Variants in D2HGDH observed in about 807,000 individuals in gnomAD.
The protein encoded by D2HGDH is D-2-hydroxyglutarate dehydrogenase.
A neutral mutation model predicts 46.9 loss-of-function variants in D2HGDH; 31 were observed. That is an observed-to-expected ratio of 0.66 (90% CI 0.50 to 0.89). The LOEUF is 0.89. D2HGDH is among the 40% of genes least tolerant of loss of function. D2HGDH has a pLI of 0.00. For missense variants in D2HGDH, 698 were observed against 720.8 expected (o/e 0.97, Z 0.36); for synonymous variants, 364 against 332.6 (o/e 1.09, Z -1.03).
At chr2:241,750,394 C>CGGGGGGGGGGGGGGGGGGGGGGG in intron 7 of D2HGDH, 100 bp downstream of exon 7, 1 of 263,590 alleles carries the variant, frequency 3.8e-6, no homozygotes, top group Non-Finnish European at 6.1e-6. Context: ...GGGGGGTGCC[C>CGGGGGGGGGGGGGGGGGGGGGGG]GGGCGGGCGG....
At chr2:241,751,183 G>T in intron 7 of D2HGDH, 63 bp from the exon 8 acceptor site, 1 of 1,610,902 alleles carries the variant, frequency 6.2e-7, no homozygotes, top group Non-Finnish European at 8.5e-7. Context: ...TGCCCGAGCA[G>T]CCCTGATTCT....
chr2:241,749,202 C>A lies in D2HGDH; in HGVS notation c.854-949C>A, dbSNP rs907208070. The A allele has an allele frequency of 2.3e-5, 21 of 903,898 alleles. No homozygotes were observed. In the Middle Eastern group the frequency reaches 8.3e-4, roughly 36 times the overall value. The allele number at this position is 903,898 out of a possible 1,614,324, so 56.0% of individuals were successfully genotyped here. On this transcript the variant is annotated intron_variant, in intron 6 of 9. Coordinates refer to ENST00000321264, the MANE Select transcript of D2HGDH (RefSeq NM_152783.5). ...CCGCCAGACCCTCCAACACCACCAC[C>A]ACCTCCCACACCCCAGCCCTCTACG... is the stretch of plus-strand genomic sequence containing the variant.
intron 7 of D2HGDH, 107 bp downstream of exon 7, chr2:241,750,401 G>C: frequency 1.8e-6 from 2 of 1,116,754 alleles, no homozygotes; most frequent in Non-Finnish European, 2.5e-6. Flanking sequence ...GCCCGGGCGG[G>C]CGGGTGGGGG....
intron 3 of D2HGDH, among the ~76,000 whole-genome samples, chr2:241,741,424 G>A (rs943361925): frequency 1.3e-5 from 2 of 152,202 alleles, no homozygotes; most frequent in Non-Finnish European, 2.9e-5. Context: ...CAGGTGCTTT[G>A]GGGCAACGTG....
Position 241,748,642 on chromosome 2 carries a change from G to A in D2HGDH, c.854-1509G>A, listed in dbSNP as rs371658787. Among the ~76,000 whole-genome samples, 11 of 152,310 alleles carry A rather than the reference G, an allele frequency of 7.2e-5. No individual in the cohort carries two copies. In the East Asian group the frequency reaches 2.1e-3, roughly 29 times the overall value. ...GTTCTCATTGCCCCTCTCGCCCATT[G>A]CCTCCGGCACAAGCCTGGCCTGTGA... On this transcript the variant is annotated intron_variant, in intron 6 of 9. Coordinates refer to ENST00000321264, the MANE Select transcript of D2HGDH (RefSeq NM_152783.5).
At chr2:241,738,822 TC>T (rs1246870333) in intron 2 of D2HGDH, among the ~76,000 whole-genome samples, 1 of 152,346 alleles carries the variant, frequency 6.6e-6, no homozygotes, top group East Asian at 1.9e-4. Flanking sequence ...CATGTTTGAG[TC>T]CACAGGTTTG....
intron 9 of D2HGDH, among the ~76,000 whole-genome samples, chr2:241,763,948 G>A (rs6754066): frequency 0.13 from 19,630 of 152,236 alleles, 1,356 homozygotes; most frequent in South Asian, 0.2. Flanking sequence ...TACTCAGGAG[G>A]CAGAGGTGGG....
Position 241,738,540 on chromosome 2 carries a change from C to T in D2HGDH, c.293-2493C>T, listed in dbSNP as rs187337380. Among the ~76,000 whole-genome samples, 11 of 152,262 alleles carry T rather than the reference C, an allele frequency of 7.2e-5. No homozygotes were observed. The East Asian group carries it at 9.7e-4, about 13-fold the overall frequency. The stretch of plus-strand genomic sequence containing the variant: ...TGCCCTCATGGGCAAGGGACCTCCC[C>T]GGGGCATGCAGGAGCGGGGAGGAAG... On this transcript the variant is annotated intron_variant, in intron 2 of 9. Coordinates refer to ENST00000321264, the MANE Select transcript of D2HGDH (RefSeq NM_152783.5).
intron 2 of D2HGDH, 79 bp from the exon 3 acceptor site, chr2:241,740,951 ACTC>A: frequency 8.8e-7 from 1 of 1,140,882 alleles, no homozygotes; most frequent in South Asian, 1.3e-5. Context: ...AAAAAAAAAA[ACTC>A]GCTCTCTGGG....
At position 241,755,363 on chromosome 2, in the gene D2HGDH, G is replaced by A. The variant is rs564565667; in HGVS notation, c.1141-486G>A. On this transcript the variant is annotated intron_variant, in intron 8 of 9. Transcript: ENST00000321264. ...GTCCCCACTGCCTGTGTGACTCTGC[G>A]CCCCCTTCCCTACCCTGCCCCACCC... 1.2e-3 allele frequency: 1,531 copies of A among 1,303,580 alleles called. 2 individuals carry two copies. Among genetic ancestry groups the A allele is most frequent in the Non-Finnish European group, 1.5e-3 (1,462 of 988,840 alleles). 80.8% of individuals were successfully genotyped at this position (1,303,580 alleles called of 1,614,324 possible). A position where few individuals can be genotyped will look rare whatever the true frequency, so the allele number is the denominator to read the frequency against.
intron 2 of D2HGDH, among the ~76,000 whole-genome samples, chr2:241,738,803 A>G (rs1693638547): frequency 6.6e-6 from 1 of 152,174 alleles, no homozygotes; most frequent in African/African-American, 2.4e-5. Context: ...GGCGAGGCTG[A>G]ATTTCACTCA....
At chr2:241,747,213 C>G (rs918079515) in intron 6 of D2HGDH, among the ~76,000 whole-genome samples, 2 of 152,084 alleles carry the variant, frequency 1.3e-5, no homozygotes, top group Non-Finnish European at 2.9e-5. Context: ...GAGCCTGAGC[C>G]GCTGCACCCA....
At chr2:241,763,056 G>A (rs1383112661) in intron 9 of D2HGDH, among the ~76,000 whole-genome samples, 1 of 152,196 alleles carries the variant, frequency 6.6e-6, no homozygotes, top group Non-Finnish European at 1.5e-5. Context: ...GTGAGGGCCT[G>A]GGGCCCCGCC....
intron 9 of D2HGDH, among the ~76,000 whole-genome samples, chr2:241,758,504 G>A (rs1698404952): frequency 6.6e-6 from 1 of 152,074 alleles, no homozygotes; most frequent in Admixed American, 6.6e-5. Flanking sequence ...GGTGGGGACA[G>A]GGTCTCGCTG....
At chr2:241,759,348 A>G (rs1044923362) in intron 9 of D2HGDH, among the ~76,000 whole-genome samples, 2 of 152,212 alleles carry the variant, frequency 1.3e-5, no homozygotes, top group Non-Finnish European at 2.9e-5. Flanking sequence ...TCTTAGGGGC[A>G]TAGGACATGA....
intron 6 of D2HGDH, among the ~76,000 whole-genome samples, chr2:241,747,535 A>G (rs913907529): frequency 7.2e-6 from 1 of 138,996 alleles, no homozygotes; most frequent in Non-Finnish European, 1.5e-5. Context: ...GTCATGATTT[A>G]TCAGGAGAGT....
chr2:241,744,630 G>A, intron 5 of D2HGDH, 79 bp from the exon 6 acceptor site: 1 of 1,562,910 alleles, frequency 6.4e-7, no homozygotes, highest in Non-Finnish European at 8.8e-7. Flanking sequence ...TGCTGCAGAA[G>A]TGACACCTGG....
intron 2 of D2HGDH, among the ~76,000 whole-genome samples, chr2:241,739,154 G>A (rs148465202): frequency 7.9e-5 from 12 of 152,316 alleles, no homozygotes; most frequent in East Asian, 3.9e-4. Flanking sequence ...CTGGACCACC[G>A]GGAGGGAGCC....
At chr2:241,757,729 G>A (rs1047427422) in intron 9 of D2HGDH, among the ~76,000 whole-genome samples, 3 of 152,100 alleles carry the variant, frequency 2.0e-5, no homozygotes, top group African/African-American at 7.2e-5. Flanking sequence ...AGGCTGAGGC[G>A]GGTGGATCAC....
Sources: allele counts gnomAD v4.1 joint callset (sites outside exome capture counted in the v4.1 genomes callset), GRCh38; gene constraint gnomAD v4.1.1; transcripts MANE v1.5; gene names NCBI Gene and HGNC (gene_info 2026-07-23, HGNC 2026-07-21).